Variants in NUP155 observed in about 807,000 individuals in gnomAD.
NUP155 encodes nuclear pore complex protein Nup155.
Under a neutral mutation model 180.4 loss-of-function variants are expected in NUP155, and 71 were observed. The observed-to-expected ratio is 0.39, with a 90% CI of 0.33 to 0.48. The LOEUF is 0.48. NUP155 is among the 20% of genes least tolerant of loss of function. NUP155 has a pLI of 0.91. For missense variants in NUP155, 1,553 were observed against 1,648.9 expected (o/e 0.94, Z 1.01); for synonymous variants, 582 against 559.5 (o/e 1.04, Z -0.57).
chr5:37,328,851 T>C (rs1327704794), intron 16 of NUP155, among the ~76,000 whole-genome samples: 2 of 152,208 alleles, frequency 1.3e-5, no homozygotes, highest in African/African-American at 2.4e-5. Context: ...CCACGATATA[T>C]GCAAGAATTA....
intron 4 of NUP155, among the ~76,000 whole-genome samples, chr5:37,353,506 C>T (rs569698190): frequency 5.9e-5 from 9 of 151,824 alleles, no homozygotes; most frequent in Non-Finnish European, 1.0e-4. Flanking sequence ...TGCTTGAACC[C>T]GGGAGGCAGG....
rs1745121834 is a variant in NUP155 at position 37,333,627 on chromosome 5, C to G, written c.1354G>C (p.Ala452Pro). 6.2e-7 allele frequency: 1 copy of G among 1,612,552 alleles called. No individual in the cohort carries two copies. The highest frequency in any genetic ancestry group is 2.2e-5 in the East Asian group (1 of 44,848). ...QKPMMETQMT[A>P]GVDGHSWALS... ...GCCCAGGAATGACCATCAACACCAG[C>G]TGTCATCTATGTAAAAGAAATAAAT... The change falls in exon 13 of 35, where the codon GCT (alanine) becomes CCT (proline). Residue 452 changes from alanine (A) to proline (P), a missense_variant. Transcript: ENST00000231498.
rs1010906120 is a variant in NUP155 at position 37,349,209 on chromosome 5, T to G, written c.866A>C (p.Asn289Thr). 3 of 822,432 alleles carry G rather than the reference T, an allele frequency of 3.6e-6. No homozygotes were observed. In the African/African-American group the frequency reaches 5.2e-5, roughly 14 times the overall value. 50.9% of individuals were successfully genotyped at this position (822,432 alleles called of 1,614,324 possible). A position where few individuals can be genotyped will look rare whatever the true frequency, so the allele number is the denominator to read the frequency against. The change falls in exon 8 of 35, where the codon AAT (asparagine) becomes ACT (threonine). Residue 289 changes from asparagine to threonine, a missense_variant. Physicochemically the swap from Asn to Thr is moderately conservative, Grantham distance 65. Coordinates refer to ENST00000231498, the MANE Select transcript of NUP155 (RefSeq NM_153485.3). ...TTTCTCAGATCGTGTATATAAAATA[T>G]TTCTAGAATTATCAATTGCAATTTG... is the stretch of plus-strand genomic sequence containing the variant. ...ILQIAIDNSR[N>T]ILYTRSEKGV... is the part of the protein sequence containing the mutation.
intron 1 of NUP155, among the ~76,000 whole-genome samples, chr5:37,369,525 G>T (rs1747824464): frequency 6.6e-6 from 1 of 152,088 alleles, no homozygotes; most frequent in Admixed American, 6.6e-5. Flanking sequence ...GTAAGAGAAG[G>T]ACCAGAATGC....
At position 37,309,168 on chromosome 5, in the gene NUP155, G is replaced by T; in HGVS notation, c.2728C>A (p.Gln910Lys). ...SLKEYQKISN[Q>K]VDLSNVCAQY... ...GCACAAACATTGGAAAGGTCCACTTGATTGCTAATTTTTTGATATTCCTTT... is the reference window on the plus strand; with the variant it reads ...GCACAAACATTGGAAAGGTCCACTTTATTGCTAATTTTTTGATATTCCTTT... Residue 910 changes from glutamine (Q) to lysine (K), a missense_variant, in exon 24 of 35, where the codon CAA becomes AAA. Gln to Lys is a moderately conservative substitution (Grantham distance 53, BLOSUM62 1). Coordinates refer to ENST00000231498, the MANE Select transcript of NUP155 (RefSeq NM_153485.3). 6.2e-7 allele frequency: 1 copy of T among 1,613,502 alleles called. No homozygotes were observed. The highest frequency in any genetic ancestry group is 8.5e-7 in the Non-Finnish European group (1 of 1,179,678).
chr5:37,364,162 CATTA>C (rs1357340405), intron 2 of NUP155, 81 bp downstream of exon 2: 34 of 1,216,856 alleles, frequency 2.8e-5, no homozygotes, highest in African/African-American at 3.0e-5. Context: ...ATATATAACA[CATTA>C]ATTAAACATA....
rs1486383533 is a variant in NUP155, at chr5:37,330,048, C to T, written c.1714G>A (p.Ala572Thr). 1.9e-6 allele frequency: 3 copies of T among 1,612,356 alleles called. No individual in the cohort carries two copies. Among genetic ancestry groups the T allele is most frequent in the Non-Finnish European group, 2.5e-6 (3 of 1,178,802 alleles). The change falls in exon 15 of 35, where the codon GCT becomes ACT. Residue 572 changes from alanine (A) to threonine (T), a missense_variant. By Grantham distance (58) the Ala-to-Thr change is moderately conservative (BLOSUM62 0). Coordinates refer to ENST00000231498, the MANE Select transcript of NUP155 (RefSeq NM_153485.3). ...DREVSAWATRAFFRYGGEAQM... is the reference protein window; with the variant it reads ...DREVSAWATRTFFRYGGEAQM... ...AAAACTTTCACATACCTAAAGAAAGCCCGAGTAGCCCAGGCAGATACTTCT... is the reference window on the plus strand; with the variant it reads ...AAAACTTTCACATACCTAAAGAAAGTCCGAGTAGCCCAGGCAGATACTTCT...
At position 37,351,157 on chromosome 5, in the gene NUP155, A is replaced by G. The variant is rs999286775; in HGVS notation, c.723+33T>C. 8.9e-6 allele frequency: 14 copies of G among 1,569,334 alleles called. No individual in the cohort carries two copies. In the African/African-American group the frequency reaches 1.8e-4, roughly 20 times the overall value. ...TTATCTTTCCCTACTCCATCAAGAG[A>G]GAAAAAAAAACGTTTACAAATGTCA... On this transcript the variant is annotated intron_variant, in intron 6 of 34. Transcript: ENST00000231498.
At position 37,289,908 on chromosome 5, in the gene NUP155, C is replaced by CA. The variant is rs1274066335; in HGVS notation, c.*1991dup. ...ATCGCATACATTCACTTTACATATT[C>CA]AAAAAACGCTAAACTTAAGAAACTG... On this transcript the variant is annotated 3_prime_UTR_variant, in exon 35 of 35. Transcript: ENST00000231498. The CA allele has an allele frequency of 6.6e-6, 1 of 151,956 alleles. No individual in the cohort carries two copies. Among genetic ancestry groups the CA allele is most frequent in the Non-Finnish European group, 1.5e-5 (1 of 68,012 alleles). The allele number at this position is 151,956 out of a possible 1,614,324, so 9.4% of individuals were successfully genotyped here. A position where few individuals can be genotyped will look rare whatever the true frequency, so the allele number is the denominator to read the frequency against.
In NUP155 at chr5:37,318,099, T is replaced by G. The variant is rs748685157; in HGVS notation, c.2208-14A>C. Reference sequence around the variant, plus strand: ...TTAGCAGTAGTACTGAAACAGAAATTGCAGAATGTGTGTGTTTATAACAGC... The same window carrying G: ...TTAGCAGTAGTACTGAAACAGAAATGGCAGAATGTGTGTGTTTATAACAGC... On this transcript the variant is annotated splice_polypyrimidine_tract_variant and intron_variant, in intron 20 of 34. Coordinates refer to ENST00000231498, the MANE Select transcript of NUP155 (RefSeq NM_153485.3). 1.4e-6 allele frequency: 2 copies of G among 1,429,666 alleles called. No individual in the cohort carries two copies. Among genetic ancestry groups the G allele is most frequent in the Non-Finnish European group, 2.0e-6 (2 of 1,011,734 alleles). The allele number at this position is 1,429,666 out of a possible 1,614,324, so 88.6% of individuals were successfully genotyped here.
intron 1 of NUP155, among the ~76,000 whole-genome samples, chr5:37,365,156 G>T (rs111920514): frequency 2.6e-5 from 4 of 151,650 alleles, no homozygotes; most frequent in African/African-American, 9.7e-5. Flanking sequence ...CAGCTACTGC[G>T]GAGGCTGAGG....
rs1742140551 is a variant in NUP155 at position 37,289,227 on chromosome 5, G to C, written c.*2673C>G. On this transcript the variant is annotated 3_prime_UTR_variant, in exon 35 of 35. Transcript: ENST00000231498. Reference sequence around the variant, plus strand: ...TTTAAGAGGATGAGGTGGGAAGACTGAGTTGAGCCCAGGAGCTCGAGGCTG... The same window carrying C: ...TTTAAGAGGATGAGGTGGGAAGACTCAGTTGAGCCCAGGAGCTCGAGGCTG... 1 of 152,552 alleles carries C rather than the reference G, an allele frequency of 6.6e-6. No homozygotes were observed. The highest frequency in any genetic ancestry group is 2.4e-5 in the African/African-American group (1 of 41,466). The allele number at this position is 152,552 out of a possible 1,614,324, so 9.4% of individuals were successfully genotyped here.
At chr5:37,366,662 C>CTT (rs34947301) in intron 1 of NUP155, among the ~76,000 whole-genome samples, 1 of 119,310 alleles carries the variant, frequency 8.4e-6, no homozygotes, top group African/African-American at 3.1e-5. Flanking sequence ...TAGTCTCAAT[C>CTT]TTTTTTTTTT....
intron 13 of NUP155, among the ~76,000 whole-genome samples, chr5:37,332,817 T>C (rs780928616): frequency 6.6e-6 from 1 of 151,858 alleles, no homozygotes; most frequent in African/African-American, 2.4e-5. Context: ...ATTAACTGGG[T>C]GTGGTGGCAA....
Position 37,328,436 on chromosome 5 carries a change from A to T in NUP155, c.1814-16T>A, listed in dbSNP as rs1248563963. 2.0e-6 allele frequency: 3 copies of T among 1,529,974 alleles called. No individual in the cohort carries two copies. The East Asian group carries it at 6.7e-5, about 34-fold the overall frequency. The allele number at this position is 1,529,974 out of a possible 1,614,324, so 94.8% of individuals were successfully genotyped here. A position where few individuals can be genotyped will look rare whatever the true frequency, so the allele number is the denominator to read the frequency against. On this transcript the variant is annotated splice_polypyrimidine_tract_variant and intron_variant, in intron 16 of 34. Transcript: ENST00000231498. ...ACAGGAGAACCTAAAAAGGGAAAGA[A>T]GAATATAAAGATTTAGAAAAGAACA...
intron 3 of NUP155, among the ~76,000 whole-genome samples, chr5:37,363,037 G>A (rs1381576912): frequency 3.3e-5 from 5 of 151,916 alleles, no homozygotes; most frequent in African/African-American, 9.7e-5. Flanking sequence ...CTCAGCTCCC[G>A]AGTGGCTGGG....
intron 11 of NUP155, among the ~76,000 whole-genome samples, chr5:37,339,758 GTTTT>G (rs916226294): frequency 6.6e-6 from 1 of 151,986 alleles, no homozygotes; most frequent in African/African-American, 2.4e-5. Context: ...TTTTTTGTGT[GTTTT>G]TTGTTTTTGT....
chr5:37,331,744 G>A lies in NUP155; in HGVS notation c.1570C>T (p.Leu524Phe). Reference protein sequence around the residue: ...LRPVDQLRHLLVSNVGGDGEE... With the variant: ...LRPVDQLRHLFVSNVGGDGEE... Reference sequence around the variant, plus strand: ...CCATCTCCTCCCACATTACTCACAAGTAGATGCCTCAGTTGATCTACAGGT... The same window carrying A: ...CCATCTCCTCCCACATTACTCACAAATAGATGCCTCAGTTGATCTACAGGT... The change falls in exon 14 of 35, where the codon CTT becomes TTT. Residue 524 changes from leucine to phenylalanine, a missense_variant. Coordinates refer to ENST00000231498, the MANE Select transcript of NUP155 (RefSeq NM_153485.3). 6.2e-7 allele frequency: 1 copy of A among 1,611,754 alleles called. No homozygotes were observed.
At position 37,349,258 on chromosome 5, in the gene NUP155, C is replaced by CAAAA; in HGVS notation, c.830-17_830-14dup. On this transcript the variant is annotated splice_polypyrimidine_tract_variant and intron_variant, in intron 7 of 34. Transcript: ENST00000231498. ...TGAAGAATAGGATCTAAAAGTAAGA[C>CAAAA]AAAAAAAAAAAAGAGAAAAAAGTAA... is the stretch of plus-strand genomic sequence containing the variant. 1 of 544,400 alleles carries CAAAA rather than the reference C, an allele frequency of 1.8e-6. No individual in the cohort carries two copies. Among genetic ancestry groups the CAAAA allele is most frequent in the Non-Finnish European group, 2.9e-6 (1 of 342,606 alleles). The allele number at this position is 544,400 out of a possible 1,614,324, so 33.7% of individuals were successfully genotyped here. A position where few individuals can be genotyped will look rare whatever the true frequency, so the allele number is the denominator to read the frequency against.
Sources: gnomAD v4.1 joint callset for allele counts (sites outside exome capture counted in the v4.1 genomes callset) on GRCh38, gnomAD v4.1.1 for gene constraint, MANE v1.5 for transcripts, NCBI Gene and HGNC (gene_info 2026-07-23, HGNC 2026-07-21) for gene names.